The following SPRED2 variants were observed in gnomAD, a reference collection of about 807,000 sequenced individuals.
SPRED2 encodes the protein sprouty related EVH1 domain containing 2, also known as sprouty-related, EVH1 domain-containing protein 2.
Under a neutral mutation model 43.0 loss-of-function variants are expected in SPRED2, and 47 were observed. That is an observed-to-expected ratio of 1.09 (90% CI 0.87 to 1.40). The LOEUF is 1.40. Ranked by LOEUF, SPRED2 falls within the 40% of genes most tolerant of loss-of-function variation. The pLI is 0.00. For missense variants in SPRED2, 561 were observed against 586.4 expected (o/e 0.96, Z 0.45); for synonymous variants, 225 against 225.7 (o/e 1.00, Z 0.03).
rs147164247 is a variant in SPRED2, at chr2:65,337,944, C to T, written c.205-3171G>A. On this transcript the variant is annotated intron_variant, in intron 2 of 5. Transcript: ENST00000356388. ...TTTTTTGATATTAATGAGTCAGTGG[C>T]GATATTAAGAAATGTAGTTTTTTTA... is the stretch of plus-strand genomic sequence containing the variant. Among the ~76,000 whole-genome samples, 153 of 152,002 alleles carry T rather than the reference C, an allele frequency of 1.0e-3. 1 individual carries two copies. The highest frequency in any genetic ancestry group is 3.4e-3 in the African/African-American group (139 of 41,442).
intron 1 of SPRED2, among the ~76,000 whole-genome samples, chr2:65,348,448 T>TAC (rs1294431069): frequency 6.6e-6 from 1 of 152,120 alleles, no homozygotes; most frequent in African/African-American, 2.4e-5. Flanking sequence ...TGGTGTCTTA[T>TAC]ATGTAACAGG....
Position 65,322,294 on chromosome 2 carries a change from A to ATGTT in SPRED2, c.439-5412_439-5411insAACA, listed in dbSNP as rs1350932295. 2.9e-4 allele frequency among the ~76,000 whole-genome samples: 19 copies of ATGTT among 64,936 alleles called. 2 individuals are homozygous for ATGTT. The highest frequency in any genetic ancestry group is 1.4e-3 in the African/African-American group (19 of 14,034). 42.6% of individuals were successfully genotyped at this position (64,936 alleles called of 152,430 possible). On this transcript the variant is annotated intron_variant, in intron 4 of 5. Transcript: ENST00000356388. The stretch of plus-strand genomic sequence containing the variant: ...TCTATATATATATATATATATATAT[A>ATGTT]TTTTTTTTTTTTTTTTTGAGACGGA...
chr2:65,312,921 T>C lies in SPRED2; in HGVS notation c.*580A>G, dbSNP rs1037360655. 1.0e-6 allele frequency: 1 copy of C among 985,690 alleles called. No homozygotes were observed. Among genetic ancestry groups the C allele is most frequent in the Non-Finnish European group, 1.2e-6 (1 of 829,948 alleles). 61.1% of individuals were successfully genotyped at this position (985,690 alleles called of 1,614,324 possible). ...TGGCTTTAGAAAAGTTAAAGCGATATTGTTTTGTGGTACAAGTTTGTTAAC... is the reference window on the plus strand; with the variant it reads ...TGGCTTTAGAAAAGTTAAAGCGATACTGTTTTGTGGTACAAGTTTGTTAAC... On this transcript the variant is annotated 3_prime_UTR_variant, in exon 6 of 6. Coordinates refer to ENST00000356388, the MANE Select transcript of SPRED2 (RefSeq NM_181784.3).
At chr2:65,309,726 C>T (rs115465734), downstream of SPRED2, among the ~76,000 whole-genome samples, 1,603 of 152,254 alleles carry the variant, frequency 0.011, 34 homozygotes, top group African/African-American at 0.037. Context: ...GAAAGTTAAA[C>T]ATGACGTTGG....
chr2:65,422,255 A>G (rs1676447147), intron 1 of SPRED2, among the ~76,000 whole-genome samples: 1 of 152,150 alleles, frequency 6.6e-6, no homozygotes, highest in African/African-American at 2.4e-5. Context: ...CCCCTACCCC[A>G]AATATGAGAA....
chr2:65,376,663 G>C (rs1264704046), intron 1 of SPRED2, among the ~76,000 whole-genome samples: 1 of 152,058 alleles, frequency 6.6e-6, no homozygotes, highest in Non-Finnish European at 1.5e-5. Context: ...AAAAAAGGTA[G>C]CAAGCACGTT....
At chr2:65,417,518 G>A (rs893684925) in intron 1 of SPRED2, among the ~76,000 whole-genome samples, 13 of 152,168 alleles carry the variant, frequency 8.5e-5, no homozygotes, top group African/African-American at 3.1e-4. Flanking sequence ...TGTGACCAAG[G>A]CTAGCCATCT....
chr2:65,350,691 CA>C (rs1217000788), intron 1 of SPRED2, among the ~76,000 whole-genome samples: 1 of 152,086 alleles, frequency 6.6e-6, no homozygotes, highest in Non-Finnish European at 1.5e-5. Flanking sequence ...GATAGGAAGG[CA>C]GAGAAAAAAA....
At chr2:65,390,326 C>T (rs1210504398) in intron 1 of SPRED2, among the ~76,000 whole-genome samples, 3 of 152,210 alleles carry the variant, frequency 2.0e-5, no homozygotes, top group East Asian at 1.9e-4. Flanking sequence ...ATCCCCGCCC[C>T]GGCTCCCTCC....
At chr2:65,410,624 T>A (rs1167435766) in intron 1 of SPRED2, among the ~76,000 whole-genome samples, 2 of 151,612 alleles carry the variant, frequency 1.3e-5, no homozygotes, top group Non-Finnish European at 2.9e-5. Context: ...CCGGGCGTGG[T>A]GGTGGGCGCC....
At chr2:65,351,107 C>T (rs1269801659) in intron 1 of SPRED2, among the ~76,000 whole-genome samples, 1 of 152,158 alleles carries the variant, frequency 6.6e-6, no homozygotes, top group African/African-American at 2.4e-5. Flanking sequence ...CTTCCCTGGC[C>T]ACTGAGGAGT....
chr2:65,362,521 C>T (rs1311990400), intron 1 of SPRED2, among the ~76,000 whole-genome samples: 5 of 152,044 alleles, frequency 3.3e-5, no homozygotes, highest in African/African-American at 1.2e-4. Context: ...CCACCCACCT[C>T]AGCCTCCCAA....
chr2:65,344,823 C>A lies in SPRED2; in HGVS notation c.100G>T (p.Glu34Ter). Residue 34 changes from glutamate to a stop codon, truncating the protein, a stop_gained, in exon 2 of 6, where the codon GAA (glutamate) becomes TAA (stop). Transcript: ENST00000356388. LOFTEE classifies it high-confidence loss of function. The part of the protein sequence containing the change: ...DDSSGGWFPQ[E>*]GGGISRVGVC... The stretch of plus-strand genomic sequence containing the variant: ...CCGACGCGACTGATCCCGCCTCCTT[C>A]CTGTGGGAACCATCCCCCGCTGGAG... 1 of 1,614,166 alleles carries A rather than the reference C, an allele frequency of 6.2e-7. No individual in the cohort carries two copies. The highest frequency in any genetic ancestry group is 8.5e-7 in the Non-Finnish European group (1 of 1,180,026).
At chr2:65,367,756 C>T (rs1005310462) in intron 1 of SPRED2, among the ~76,000 whole-genome samples, 1 of 152,128 alleles carries the variant, frequency 6.6e-6, no homozygotes. Flanking sequence ...TCAGTGTTAA[C>T]GTTATGAAGG....
At chr2:65,387,711 C>T (rs748006478) in intron 1 of SPRED2, among the ~76,000 whole-genome samples, 7 of 151,768 alleles carry the variant, frequency 4.6e-5, no homozygotes, top group East Asian at 1.9e-4. Context: ...CTAAAAATGC[C>T]GATTTACCAT....
At chr2:65,362,720 T>C (rs1674853020) in intron 1 of SPRED2, among the ~76,000 whole-genome samples, 1 of 151,938 alleles carries the variant, frequency 6.6e-6, no homozygotes, top group Non-Finnish European at 1.5e-5. Context: ...TAGCCAGGCG[T>C]GGTGGTGCAT....
At chr2:65,363,836 G>T (rs372388275) in intron 1 of SPRED2, among the ~76,000 whole-genome samples, 1 of 152,074 alleles carries the variant, frequency 6.6e-6, no homozygotes, top group African/African-American at 2.4e-5. Context: ...TATTGAATTC[G>T]TAATAGCTTT....
chr2:65,423,196 G>T (rs1051208512), intron 1 of SPRED2, among the ~76,000 whole-genome samples: 7 of 152,202 alleles, frequency 4.6e-5, no homozygotes, highest in African/African-American at 1.7e-4. Flanking sequence ...CTCCTAAGAG[G>T]ATGGTCAGTC....
intron 1 of SPRED2, among the ~76,000 whole-genome samples, chr2:65,431,232 C>T (rs1676680200): frequency 6.6e-6 from 1 of 151,770 alleles, no homozygotes; most frequent in Admixed American, 6.6e-5. Flanking sequence ...CACACACACG[C>T]GCGCCCCCAG....
Sources: allele counts gnomAD v4.1 joint callset (sites outside exome capture counted in the v4.1 genomes callset), GRCh38; gene constraint gnomAD v4.1.1; transcripts MANE v1.5; gene names NCBI Gene and HGNC (gene_info 2026-07-23, HGNC 2026-07-21).